SCN9A: variants seen among roughly 807,000 people sequenced by gnomAD.
The protein encoded by SCN9A is sodium channel protein type 9 subunit alpha.
Under a neutral mutation model 187.0 loss-of-function variants are expected in SCN9A, and 131 were observed. The ratio of observed to expected loss-of-function variants is 0.70; its 90% CI spans 0.61 to 0.81. The LOEUF is 0.81. Among genes scored for constraint, SCN9A ranks in the 30% least tolerant of loss-of-function variants. SCN9A has a pLI of 0.00. For synonymous variants in SCN9A, 809 were observed against 808.6 expected (o/e 1.00, Z -0.01); for missense variants, 2,252 against 2,396.6 (o/e 0.94, Z 1.26).
At position 166,293,310 on chromosome 2, in the gene SCN9A, C is replaced by T. The variant is rs550153663; in HGVS notation, c.1028G>A (p.Ser343Asn). 1.9e-6 allele frequency: 3 copies of T among 1,606,560 alleles called. No homozygotes were observed. The highest frequency in any genetic ancestry group is 2.2e-5 in the South Asian group (2 of 89,386). Residue 343 changes from serine (S) to asparagine (N), a missense_variant, in exon 9 of 27, where the codon AGC becomes AAC. Coordinates refer to ENST00000642356, the MANE Select transcript of SCN9A (RefSeq NM_001365536.1). The stretch of plus-strand genomic sequence containing the variant: ...GAAGGCCCAGCTGAAAGTGTCAAAG[C>T]TCGTGTAGCCATAATCAGGGTTTCT... Reference protein sequence around the residue: ...IGRNPDYGYTSFDTFSWAFLA... With the variant: ...IGRNPDYGYTNFDTFSWAFLA...
At chr2:166,283,338 C>A (rs901156166) in intron 12 of SCN9A, among the ~76,000 whole-genome samples, 1 of 152,100 alleles carries the variant, frequency 6.6e-6, no homozygotes, top group Non-Finnish European at 1.5e-5. Context: ...TGCATTTATT[C>A]AAATTGAAAT....
intron 14 of SCN9A, 139 bp from the exon 15 acceptor site, chr2:166,278,452 A>C (rs972063442): frequency 4.1e-5 from 29 of 705,822 alleles, no homozygotes; most frequent in Middle Eastern, 3.9e-4. Context: ...TTCTTATCTA[A>C]CTTAGTCCTG....
intron 1 of SCN9A, among the ~76,000 whole-genome samples, chr2:166,320,120 G>A (rs1022611303): frequency 2.6e-5 from 4 of 152,032 alleles, no homozygotes; most frequent in Non-Finnish European, 5.9e-5. Context: ...ATATTATTTA[G>A]AGATAAAAAG....
chr2:166,307,095 G>T, intron 2 of SCN9A, 21 bp from the exon 3 acceptor site: 1 of 1,375,452 alleles, frequency 7.3e-7, no homozygotes, highest in Non-Finnish European at 1.0e-6. Context: ...AAAAAGAAAG[G>T]ATGAAATTGA....
At chr2:166,284,325 G>A in intron 12 of SCN9A, 128 bp downstream of exon 12, 2 of 1,069,086 alleles carry the variant, frequency 1.9e-6, no homozygotes, top group African/African-American at 1.6e-5. Context: ...TCAAAGGTGT[G>A]TTCCTATAGA....
chr2:166,297,384 A>G (rs34270097), intron 7 of SCN9A, among the ~76,000 whole-genome samples: 2 of 152,102 alleles, frequency 1.3e-5, no homozygotes, highest in Non-Finnish European at 2.9e-5. Context: ...TGATGAATGT[A>G]TAAACAAAAT....
chr2:166,232,342 G>C (rs965328712), intron 21 of SCN9A, among the ~76,000 whole-genome samples: 7 of 152,152 alleles, frequency 4.6e-5, no homozygotes, highest in African/African-American at 1.7e-4. Flanking sequence ...TGCAAATTAA[G>C]TAAACTCTCT....
intron 1 of SCN9A, among the ~76,000 whole-genome samples, chr2:166,339,591 T>C (rs549957716): frequency 2.8e-4 from 43 of 152,244 alleles, no homozygotes; most frequent in Non-Finnish European, 5.0e-4. Flanking sequence ...GAAGGTGTTT[T>C]ATTCTCTTTC....
intron 6 of SCN9A, among the ~76,000 whole-genome samples, chr2:166,303,673 T>C (rs1438945267): frequency 6.6e-6 from 1 of 152,122 alleles, no homozygotes; most frequent in East Asian, 1.9e-4. Context: ...AATAAAGAAA[T>C]GGTTTGCTGA....
At chr2:166,343,110 A>G (rs1242820770) in intron 1 of SCN9A, among the ~76,000 whole-genome samples, 1 of 152,206 alleles carries the variant, frequency 6.6e-6, no homozygotes, top group Non-Finnish European at 1.5e-5. Context: ...ATTCATATGA[A>G]ATAATTACAC....
intron 21 of SCN9A, among the ~76,000 whole-genome samples, chr2:166,232,337 A>C (rs7576981): frequency 0.031 from 4,665 of 152,268 alleles, 494 homozygotes; most frequent in Admixed American, 0.2. Flanking sequence ...CTAAGTGCAA[A>C]TTAAGTAAAC....
intron 24 of SCN9A, among the ~76,000 whole-genome samples, chr2:166,220,799 A>G (rs935162197): frequency 1.3e-5 from 2 of 152,222 alleles, no homozygotes; most frequent in Non-Finnish European, 2.9e-5. Context: ...TTAACACAGC[A>G]CTAGAAGTCC....
intron 1 of SCN9A, among the ~76,000 whole-genome samples, chr2:166,352,884 T>A (rs1211985399): frequency 6.6e-6 from 1 of 152,238 alleles, no homozygotes; most frequent in Non-Finnish European, 1.5e-5. Context: ...GTATCATTTT[T>A]GTGCAAGTGA....
intron 1 of SCN9A, among the ~76,000 whole-genome samples, chr2:166,331,371 T>A (rs1308135731): frequency 6.6e-6 from 1 of 152,176 alleles, no homozygotes; most frequent in Non-Finnish European, 1.5e-5. Context: ...TTTTCAGTAT[T>A]ACTGTCAAAT....
At chr2:166,286,957 A>G (rs1250176139) in intron 10 of SCN9A, among the ~76,000 whole-genome samples, 1 of 152,218 alleles carries the variant, frequency 6.6e-6, no homozygotes, top group Non-Finnish European at 1.5e-5. Context: ...ATGCAATAAG[A>G]CAGACAATTT....
At chr2:166,249,689 T>C (rs958941780) in intron 18 of SCN9A, among the ~76,000 whole-genome samples, 1 of 152,154 alleles carries the variant, frequency 6.6e-6, no homozygotes, top group Non-Finnish European at 1.5e-5. Context: ...TTGATGTTTA[T>C]AGGATTAAAA....
chr2:166,252,009 G>T, intron 17 of SCN9A, 124 bp from the exon 18 acceptor site: 2 of 1,102,666 alleles, frequency 1.8e-6, no homozygotes, highest in Non-Finnish European at 2.6e-6. Flanking sequence ...TAGTATGATG[G>T]CCATAAAAAA....
At chr2:166,282,030 C>G (rs1697513737) in intron 12 of SCN9A, among the ~76,000 whole-genome samples, 1 of 152,130 alleles carries the variant, frequency 6.6e-6, no homozygotes, top group Non-Finnish European at 1.5e-5. Flanking sequence ...GTGCTTGCTT[C>G]ATATTCTTGT....
intron 1 of SCN9A, among the ~76,000 whole-genome samples, chr2:166,355,080 G>T (rs914127060): frequency 1.3e-5 from 2 of 150,994 alleles, no homozygotes; most frequent in Non-Finnish European, 2.9e-5. Context: ...TAGGACTACA[G>T]GTGTGCACCA....
Sources: allele counts gnomAD v4.1 joint callset (sites outside exome capture counted in the v4.1 genomes callset), GRCh38; gene constraint gnomAD v4.1.1; transcripts MANE v1.5; gene names NCBI Gene and HGNC (gene_info 2026-07-23, HGNC 2026-07-21).